SLC35F4: variants seen among roughly 807,000 people sequenced by gnomAD.
SLC35F4 encodes the protein solute carrier family 35 member F4.
SLC35F4 carries 24 observed loss-of-function variants against 44.2 expected under a neutral mutation model. The observed-to-expected ratio is 0.54, with a 90% CI of 0.39 to 0.76. The LOEUF is 0.76. Ranked by LOEUF, SLC35F4 falls within the 30% of genes least tolerant of loss-of-function variation. SLC35F4 has a pLI of 0.00. For synonymous variants in SLC35F4, 238 were observed against 223.6 expected (o/e 1.06, Z -0.57); for missense variants, 562 against 586.1 (o/e 0.96, Z 0.42).
intron 1 of SLC35F4, among the ~76,000 whole-genome samples, chr14:57,882,074 C>T (rs950467837): frequency 2.6e-5 from 4 of 152,130 alleles, no homozygotes; most frequent in Non-Finnish European, 4.4e-5. Context: ...CCACCTGTAG[C>T]CCCTGCTGAG....
intron 1 of SLC35F4, among the ~76,000 whole-genome samples, chr14:57,884,584 AT>A (rs1315010611): frequency 6.6e-6 from 1 of 152,308 alleles, no homozygotes; most frequent in East Asian, 1.9e-4. Context: ...CTTCTAATGT[AT>A]TACACACCTC....
At chr14:57,682,108 C>A (rs934920391) in intron 1 of SLC35F4, among the ~76,000 whole-genome samples, 1 of 152,134 alleles carries the variant, frequency 6.6e-6, no homozygotes, top group African/African-American at 2.4e-5. Context: ...GGATCTAGAA[C>A]TAGAAATAGC....
chr14:57,826,676 AC>A (rs1326475650), intron 1 of SLC35F4, among the ~76,000 whole-genome samples: 1 of 151,788 alleles, frequency 6.6e-6, no homozygotes, highest in Non-Finnish European at 1.5e-5. Context: ...GAAAAAAAAA[AC>A]TAGTAAGAAG....
intron 1 of SLC35F4, among the ~76,000 whole-genome samples, chr14:57,684,527 A>G (rs2075011745): frequency 6.6e-6 from 1 of 152,156 alleles, no homozygotes; most frequent in African/African-American, 2.4e-5. Context: ...GAGGAGGCAG[A>G]GCTCAGGTGG....
chr14:57,912,725 G>A lies in SLC35F4; in HGVS notation n.282+69188C>T, dbSNP rs550455618. ...TCATGAATATTCCATGTGAGCTTTA[G>A]AATAATGTGAAATCTGCTGTTTTTG... is the stretch of plus-strand genomic sequence containing the variant. On this transcript the variant is annotated intron_variant and non_coding_transcript_variant, in intron 1 of 1. Coordinates refer to the SLC35F4 transcript ENST00000556568. 8.5e-5 allele frequency among the ~76,000 whole-genome samples: 13 copies of A among 152,080 alleles called. No homozygotes were observed. In the East Asian group the frequency reaches 2.5e-3, roughly 29 times the overall value.
chr14:57,631,980 C>G (rs2072797834), intron 1 of SLC35F4, among the ~76,000 whole-genome samples: 1 of 152,070 alleles, frequency 6.6e-6, no homozygotes, highest in Non-Finnish European at 1.5e-5. Flanking sequence ...TAGGCTTTGC[C>G]TACAAAGAAC....
intron 1 of SLC35F4, among the ~76,000 whole-genome samples, chr14:57,694,472 C>T (rs1293349407): frequency 6.6e-6 from 1 of 152,112 alleles, no homozygotes; most frequent in Non-Finnish European, 1.5e-5. Flanking sequence ...CTAATGTACT[C>T]ATTTTTATTG....
intron 1 of SLC35F4, among the ~76,000 whole-genome samples, chr14:57,880,852 C>T (rs1222654871): frequency 6.6e-6 from 1 of 152,018 alleles, no homozygotes; most frequent in Non-Finnish European, 1.5e-5. Context: ...GAGGAACTCA[C>T]GTTAAACAAA....
chr14:57,976,276 G>A (rs7151464), downstream of SLC35F4, among the ~76,000 whole-genome samples: 54,567 of 152,136 alleles, frequency 0.36, 10,371 homozygotes, highest in African/African-American at 0.5. Context: ...ATCTAGGTCT[G>A]CGCTACTTGA....
intron 1 of SLC35F4, among the ~76,000 whole-genome samples, chr14:57,649,390 CT>C (rs1200680155): frequency 6.6e-6 from 1 of 152,090 alleles, no homozygotes; most frequent in African/African-American, 2.4e-5. Context: ...AGCTGCCTGC[CT>C]TCTTTGGCTC....
intron 1 of SLC35F4, among the ~76,000 whole-genome samples, chr14:57,788,672 A>G (rs1384278264): frequency 6.6e-6 from 1 of 152,180 alleles, no homozygotes; most frequent in Non-Finnish European, 1.5e-5. Flanking sequence ...GATCTAACAG[A>G]CATCTACAGG....
intron 1 of SLC35F4, among the ~76,000 whole-genome samples, chr14:57,865,343 C>T (rs1474228368): frequency 4.7e-5 from 7 of 148,466 alleles, no homozygotes; most frequent in African/African-American, 1.7e-4. Context: ...GCTTTCGGGG[C>T]ATGTATCCCC....
At chr14:57,766,617 G>T (rs1350917962) in intron 1 of SLC35F4, among the ~76,000 whole-genome samples, 1 of 152,178 alleles carries the variant, frequency 6.6e-6, no homozygotes, top group African/African-American at 2.4e-5. Flanking sequence ...AGGTGCCTGA[G>T]GCTTGAGCAC....
At chr14:57,775,839 T>C (rs1208520806) in intron 1 of SLC35F4, among the ~76,000 whole-genome samples, 1 of 152,134 alleles carries the variant, frequency 6.6e-6, no homozygotes, top group Non-Finnish European at 1.5e-5. Flanking sequence ...AGAATATGTA[T>C]AGAAATGAAG....
At chr14:57,627,843 A>G (rs991333185) in intron 1 of SLC35F4, among the ~76,000 whole-genome samples, 1 of 152,054 alleles carries the variant, frequency 6.6e-6, no homozygotes, top group African/African-American at 2.4e-5. Flanking sequence ...TTAGTCTTTA[A>G]GATTGAATGT....
intron 1 of SLC35F4, among the ~76,000 whole-genome samples, chr14:57,979,944 T>C (rs561023651): frequency 2.0e-5 from 3 of 152,326 alleles, no homozygotes; most frequent in African/African-American, 7.2e-5. Context: ...GGTTAATGCT[T>C]TTTCCAAAAA....
At position 57,594,142 on chromosome 14, in the gene SLC35F4, A is replaced by G. The variant is rs914000393; in HGVS notation, c.104-18T>C. On this transcript the variant is annotated intron_variant, in intron 1 of 7. Coordinates refer to ENST00000556826, the MANE Select transcript of SLC35F4 (RefSeq NM_001306087.2). Reference sequence around the variant, plus strand: ...GGAGGTACCTGGAAAGACAGAGTTCACGCCAGTTTGAGAACTGCCTGAACA... The same window carrying G: ...GGAGGTACCTGGAAAGACAGAGTTCGCGCCAGTTTGAGAACTGCCTGAACA... 1.2e-6 allele frequency: 2 copies of G among 1,606,412 alleles called. No homozygotes were observed. Among genetic ancestry groups the G allele is most frequent in the Non-Finnish European group, 8.5e-7 (1 of 1,176,244 alleles).
chr14:57,711,770 G>T (rs78065905), intron 1 of SLC35F4, among the ~76,000 whole-genome samples: 1 of 152,262 alleles, frequency 6.6e-6, no homozygotes, highest in African/African-American at 2.4e-5. Flanking sequence ...AAACCGAAGC[G>T]CAGAAAATTA....
intron 1 of SLC35F4, among the ~76,000 whole-genome samples, chr14:57,620,058 G>A (rs1703450): frequency 0.61 from 92,207 of 151,702 alleles, 30,321 homozygotes; most frequent in Non-Finnish European, 0.74. Context: ...GACCAAATGT[G>A]TGTTTGATTG....
Sources: allele counts gnomAD v4.1 joint callset (sites outside exome capture counted in the v4.1 genomes callset), GRCh38; gene constraint gnomAD v4.1.1; transcripts MANE v1.5; gene names NCBI Gene and HGNC (gene_info 2026-07-23, HGNC 2026-07-21).